TENM1: variants seen among roughly 807,000 people sequenced by gnomAD.
TENM1 encodes the protein teneurin transmembrane protein 1, also known as teneurin-1.
TENM1 carries 35 observed loss-of-function variants against 174.8 expected under a neutral mutation model. The observed-to-expected ratio is 0.20, with a 90% CI of 0.15 to 0.27. TENM1 has a LOEUF of 0.27. TENM1 is among the 10% of genes least tolerant of loss of function. The pLI is 1.00. For missense variants in TENM1, 1,633 were observed against 2,130.1 expected (o/e 0.77, Z 4.59); for synonymous variants, 781 against 798.7 (o/e 0.98, Z 0.37).
At chrX:124,740,441 T>C (rs189149688) in intron 3 of TENM1, among the ~76,000 whole-genome samples, 85 of 103,598 alleles carry the variant, frequency 8.2e-4, no homozygotes, top group African/African-American at 3.3e-3. Context: ...GTATTATTAT[T>C]TCTGTTGCAG....
chrX:124,870,058 C>T (rs749658584), intron 3 of TENM1, among the ~76,000 whole-genome samples: 1 of 111,366 alleles, frequency 9.0e-6, no homozygotes, highest in East Asian at 2.8e-4. Flanking sequence ...TTTCACATTG[C>T]GTGCCTGTAT....
At chrX:124,631,148 C>G (rs1181966275) in intron 11 of TENM1, among the ~76,000 whole-genome samples, 1 of 111,774 alleles carries the variant, frequency 8.9e-6, no homozygotes, top group East Asian at 2.8e-4. Context: ...ACAAAGACTT[C>G]ATATGCTGTA....
At chrX:124,833,696 G>A (rs1396706870) in intron 3 of TENM1, among the ~76,000 whole-genome samples, 1 of 111,270 alleles carries the variant, frequency 9.0e-6, no homozygotes, top group African/African-American at 3.3e-5. Flanking sequence ...TGAGAAACAA[G>A]CCATTTATAT....
chrX:124,458,913 A>G (rs1420910322), intron 22 of TENM1, among the ~76,000 whole-genome samples: 1 of 112,481 alleles, frequency 8.9e-6, no homozygotes, highest in Non-Finnish European at 1.9e-5. Flanking sequence ...CTGTTTACTC[A>G]TTAACTTATT....
At chrX:124,593,481 T>C (rs777396382) in intron 11 of TENM1, among the ~76,000 whole-genome samples, 4 of 111,205 alleles carry the variant, frequency 3.6e-5, no homozygotes, top group Non-Finnish European at 7.6e-5. Flanking sequence ...CCTCAATTTA[T>C]GTCCGTGAAG....
At chrX:124,630,998 C>T (rs2050742580) in intron 11 of TENM1, among the ~76,000 whole-genome samples, 1 of 111,878 alleles carries the variant, frequency 8.9e-6, no homozygotes, top group Admixed American at 9.5e-5. Flanking sequence ...AATGTAAATC[C>T]TCACCAGAAG....
Position 124,676,314 on chromosome X carries a change from A to G in TENM1, c.1016-4479T>C, listed in dbSNP as rs1480679441. 1.5e-4 allele frequency among the ~76,000 whole-genome samples: 9 copies of G among 58,230 alleles called. No individual in the cohort carries two copies. In the East Asian group the frequency reaches 2.9e-3, roughly 19 times the overall value. 50.6% of individuals were successfully genotyped at this position (58,230 alleles called of 115,157 possible). A position where few individuals can be genotyped will look rare whatever the true frequency, so the allele number is the denominator to read the frequency against. ...TATATATATATATATATATATATAT[A>G]CTCAATGAATGGAGATGGATGCTAC... On this transcript the variant is annotated intron_variant, in intron 5 of 31. Transcript: ENST00000422452.
the TENM1 span, among the ~76,000 whole-genome samples, chrX:125,043,118 T>TC: frequency 1.9e-5 from 2 of 104,045 alleles, no homozygotes; most frequent in African/African-American, 7.0e-5. Flanking sequence ...GGACTTCATG[T>TC]CCAAAACACC....
intron 1 of TENM1, among the ~76,000 whole-genome samples, chrX:124,933,400 T>A (rs182167823): frequency 1.2e-3 from 137 of 112,115 alleles, no homozygotes; most frequent in African/African-American, 4.3e-3. Context: ...GTTCAAAGAG[T>A]ATAAATAAAT....
At chrX:125,007,437 G>A in the TENM1 span, among the ~76,000 whole-genome samples, 4 of 111,212 alleles carry the variant, frequency 3.6e-5, no homozygotes, top group Non-Finnish European at 5.7e-5. Context: ...CTGGGAGAAT[G>A]GAACCAAGTT....
At chrX:124,826,524 C>T (rs1366182110) in intron 3 of TENM1, among the ~76,000 whole-genome samples, 1 of 110,776 alleles carries the variant, frequency 9.0e-6, no homozygotes, top group Non-Finnish European at 1.9e-5. Context: ...AAATGATTTC[C>T]AAAAAATTAT....
At chrX:124,894,881 C>T (rs1270871494) in intron 2 of TENM1, among the ~76,000 whole-genome samples, 1 of 111,546 alleles carries the variant, frequency 9.0e-6, no homozygotes, top group African/African-American at 3.3e-5. Context: ...AAATATGTTC[C>T]CTTCTCATTT....
At chrX:124,646,615 A>T in intron 9 of TENM1, 94 bp downstream of exon 12, 1 of 624,742 alleles carries the variant, frequency 1.6e-6, no homozygotes, top group Non-Finnish European at 2.5e-6. Flanking sequence ...TGTCACCACT[A>T]CTAATGTTAC....
At chrX:125,069,291 T>G in the TENM1 span, among the ~76,000 whole-genome samples, 1 of 111,960 alleles carries the variant, frequency 8.9e-6, no homozygotes, top group Non-Finnish European at 1.9e-5. Flanking sequence ...CTTAGGATAA[T>G]GGCCTCTAGC....
chrX:124,954,323 C>T (rs993150504), intron 1 of TENM1, among the ~76,000 whole-genome samples: 1 of 109,898 alleles, frequency 9.1e-6, no homozygotes, highest in Admixed American at 9.8e-5. Flanking sequence ...AAAAAGATGC[C>T]TGAAGGTGCA....
intron 1 of TENM1, among the ~76,000 whole-genome samples, chrX:124,923,536 T>C (rs1198205870): frequency 7.2e-5 from 8 of 111,869 alleles, no homozygotes; most frequent in African/African-American, 2.6e-4. Flanking sequence ...CCTAAAGACA[T>C]CCATATTCTA....
At chrX:124,548,731 T>C (rs2048488442) in intron 14 of TENM1, among the ~76,000 whole-genome samples, 1 of 111,600 alleles carries the variant, frequency 9.0e-6, no homozygotes, top group Admixed American at 9.5e-5. Context: ...ACTGATTTCC[T>C]GCAGCTCTTT....
At chrX:124,399,119 C>CA (rs1379142726) in intron 27 of TENM1, among the ~76,000 whole-genome samples, 2 of 112,036 alleles carry the variant, frequency 1.8e-5, no homozygotes, top group African/African-American at 6.5e-5. Context: ...ACCTTATCAA[C>CA]AGAGGGGATC....
Position 124,382,796 on chromosome X carries a change from C to T in TENM1, c.7314G>A (p.Leu2438=), listed in dbSNP as rs772373549. Reference sequence around the variant, plus strand: ...TGTGTAATTGGAAACCAAATAGCTCCAACCAACTTCTGATGTCTGTGAGAC... The same window carrying T: ...TGTGTAATTGGAAACCAAATAGCTCTAACCAACTTCTGATGTCTGTGAGAC... Residue 2438 remains leucine, a synonymous_variant, in exon 31 of 32, where the codon TTG becomes TTA. Coordinates refer to ENST00000422452, the Ensembl canonical transcript of TENM1. 5.8e-6 allele frequency: 7 copies of T among 1,197,023 alleles called. No individual in the cohort carries two copies. The South Asian group carries it at 9.3e-5, about 16-fold the overall frequency.
Sources: gnomAD v4.1 joint callset for allele counts (sites outside exome capture counted in the v4.1 genomes callset) on GRCh38, gnomAD v4.1.1 for gene constraint, MANE v1.5 for transcripts, NCBI Gene and HGNC (gene_info 2026-07-23, HGNC 2026-07-21) for gene names.